The following LRP1B variants were observed in gnomAD, a reference collection of about 807,000 sequenced individuals.
LRP1B encodes the protein low-density lipoprotein receptor-related protein 1B.
Under a neutral mutation model 556.6 loss-of-function variants are expected in LRP1B, and 217 were observed. The ratio of observed to expected loss-of-function variants is 0.39; its 90% CI spans 0.35 to 0.44. LRP1B has a LOEUF of 0.44. Ranked by LOEUF, LRP1B falls within the 20% of genes least tolerant of loss-of-function variation. The pLI is 1.00. For synonymous variants in LRP1B, 2,047 were observed against 1,865.8 expected, an observed-to-expected ratio of 1.10 and a Z score of -2.50; for missense variants, 5,053 against 5,620.8, an observed-to-expected ratio of 0.90 and a Z score of 3.23.
intron 2 of LRP1B, among the ~76,000 whole-genome samples, chr2:141,583,158 T>C (rs368358884): frequency 9.2e-5 from 14 of 152,084 alleles, no homozygotes; most frequent in African/African-American, 2.9e-4. Flanking sequence ...TTTTATAAAT[T>C]CAAGTCAAGT....
chr2:141,880,043 C>T (rs1483478478), intron 1 of LRP1B, among the ~76,000 whole-genome samples: 3 of 128,132 alleles, frequency 2.3e-5, no homozygotes, highest in Non-Finnish European at 5.4e-5. Flanking sequence ...AACCTCACTT[C>T]ACACTTTAGA....
chr2:141,489,341 A>T (rs1329110869), intron 2 of LRP1B, among the ~76,000 whole-genome samples: 1 of 151,996 alleles, frequency 6.6e-6, no homozygotes, highest in Admixed American at 6.6e-5. Context: ...TCTTGGATGT[A>T]TTACAGACAA....
intron 35 of LRP1B, among the ~76,000 whole-genome samples, chr2:140,755,146 T>G (rs2104903707): frequency 6.6e-6 from 1 of 152,190 alleles, no homozygotes; most frequent in South Asian, 2.1e-4. Flanking sequence ...TGAACAGATC[T>G]ATAACAATTA....
intron 23 of LRP1B, among the ~76,000 whole-genome samples, chr2:140,900,393 C>G (rs1466263277): frequency 3.3e-5 from 5 of 152,148 alleles, no homozygotes; most frequent in Admixed American, 3.3e-4. Flanking sequence ...AATGAAATGA[C>G]TATTACCATT....
At chr2:140,766,961 C>T (rs1338204691) in intron 35 of LRP1B, among the ~76,000 whole-genome samples, 1 of 150,794 alleles carries the variant, frequency 6.6e-6, no homozygotes, top group Admixed American at 6.7e-5. Context: ...ATATCAGGCA[C>T]TTTATTAAAC....
intron 1 of LRP1B, among the ~76,000 whole-genome samples, chr2:141,869,764 C>A (rs1187993144): frequency 2.0e-5 from 3 of 152,090 alleles, no homozygotes; most frequent in Non-Finnish European, 4.4e-5. Context: ...ATACAAGGTA[C>A]CTGGCAGAAT....
rs398039112 is a variant in LRP1B at position 141,237,353 on chromosome 2, G to GGT, written c.593-7914_593-7913insAC. 4.5e-3 allele frequency among the ~76,000 whole-genome samples: 421 copies of GGT among 93,608 alleles called. 3 individuals are homozygous for GGT. Among genetic ancestry groups the GGT allele is most frequent in the African/African-American group, 0.011 (268 of 24,064 alleles). The allele number at this position is 93,608 out of a possible 152,430, so 61.4% of individuals were successfully genotyped here. ...ATCTTGTTTTGTTTTGTGTTCTAGT[G>GGT]TTTTTTTTTTTTTTTTTTAATTCTG... On this transcript the variant is annotated intron_variant, in intron 5 of 90. Transcript: ENST00000389484.
intron 83 of LRP1B, among the ~76,000 whole-genome samples, chr2:140,313,920 G>A (rs1684411636): frequency 2.0e-5 from 3 of 151,824 alleles, no homozygotes; most frequent in African/African-American, 2.4e-5. Flanking sequence ...ATTTCATTAT[G>A]AATTAATAAG....
At chr2:142,086,477 C>T (rs531245934) in intron 1 of LRP1B, among the ~76,000 whole-genome samples, 1 of 151,928 alleles carries the variant, frequency 6.6e-6, no homozygotes, top group African/African-American at 2.4e-5. Context: ...TGGTGGCGGG[C>T]GCCTGTAGTC....
At chr2:140,526,593 G>A (rs1362498007) in intron 47 of LRP1B, among the ~76,000 whole-genome samples, 1 of 149,612 alleles carries the variant, frequency 6.7e-6, no homozygotes. Context: ...GCAGCTGCCT[G>A]TTTAAGTACC....
chr2:141,803,138 A>G (rs1025135556), intron 2 of LRP1B, among the ~76,000 whole-genome samples: 2 of 151,562 alleles, frequency 1.3e-5, no homozygotes, highest in Non-Finnish European at 2.9e-5. Context: ...TTCTTGAGTG[A>G]AAAGGTGAGA....
At chr2:140,439,510 A>G (rs1686332961) in intron 66 of LRP1B, among the ~76,000 whole-genome samples, 1 of 152,182 alleles carries the variant, frequency 6.6e-6, no homozygotes, top group Non-Finnish European at 1.5e-5. Context: ...CTTTACATAC[A>G]CAAAAATGGA....
At chr2:141,811,152 T>G (rs1299902447) in intron 1 of LRP1B, among the ~76,000 whole-genome samples, 2 of 152,120 alleles carry the variant, frequency 1.3e-5, no homozygotes, top group Non-Finnish European at 2.9e-5. Context: ...CATATTTGCT[T>G]TTATCACGTG....
chr2:140,957,520 A>C (rs1447747446), intron 18 of LRP1B, among the ~76,000 whole-genome samples: 1 of 151,664 alleles, frequency 6.6e-6, no homozygotes, highest in Non-Finnish European at 1.5e-5. Flanking sequence ...AAAAATATTG[A>C]ATAGTTCTGA....
intron 2 of LRP1B, among the ~76,000 whole-genome samples, chr2:141,696,398 A>G (rs1691735473): frequency 6.6e-6 from 1 of 152,022 alleles, no homozygotes; most frequent in Non-Finnish European, 1.5e-5. Context: ...AATAAAATAA[A>G]TAAATAATTC....
At chr2:141,617,687 A>G (rs1376609458) in intron 2 of LRP1B, among the ~76,000 whole-genome samples, 1 of 152,204 alleles carries the variant, frequency 6.6e-6, no homozygotes, top group Non-Finnish European at 1.5e-5. Flanking sequence ...ATACTGACAG[A>G]TTCACAAGAT....
At chr2:141,624,013 C>A in intron 2 of LRP1B, among the ~76,000 whole-genome samples, 1 of 13,016 alleles carries the variant, frequency 7.7e-5, no homozygotes, top group Non-Finnish European at 2.0e-4. Flanking sequence ...AGAACTCCAA[C>A]TCAAAAAAAA....
intron 2 of LRP1B, among the ~76,000 whole-genome samples, chr2:141,680,140 A>G (rs1691051492): frequency 6.6e-6 from 1 of 152,036 alleles, no homozygotes; most frequent in Non-Finnish European, 1.5e-5. Flanking sequence ...TTGCTTTTCA[A>G]TATATTAAAG....
At chr2:140,437,417 A>T (rs1260859208) in intron 66 of LRP1B, among the ~76,000 whole-genome samples, 1 of 152,204 alleles carries the variant, frequency 6.6e-6, no homozygotes, top group Non-Finnish European at 1.5e-5. Flanking sequence ...GCCACACAGG[A>T]TAGGGGCACT....
Sources: allele counts gnomAD v4.1 joint callset (sites outside exome capture counted in the v4.1 genomes callset), GRCh38; gene constraint gnomAD v4.1.1; transcripts MANE v1.5; gene names NCBI Gene and HGNC (gene_info 2026-07-23, HGNC 2026-07-21).